The following ERC2 variants were observed in gnomAD, a reference collection of about 807,000 sequenced individuals.
ERC2 encodes the protein ELKS/RAB6-interacting/CAST family member 2.
Under a neutral mutation model 114.8 loss-of-function variants are expected in ERC2, and 42 were observed. The observed-to-expected ratio is 0.37, with a 90% confidence interval of 0.29 to 0.47. The LOEUF is 0.47. Ranked by LOEUF, ERC2 falls within the 20% of genes least tolerant of loss-of-function variation. The probability of loss-of-function intolerance (pLI) is 0.99; values close to 1 mark genes in which losing one functional copy is unlikely to be tolerated. For synonymous variants in ERC2, 454 were observed against 425.5 expected (o/e 1.07, Z -0.82); for missense variants, 939 against 1,150.7 (o/e 0.82, Z 2.66).
At chr3:55,866,392 T>C (rs1250934160) in intron 14 of ERC2, among the ~76,000 whole-genome samples, 1 of 152,164 alleles carries the variant, frequency 6.6e-6, no homozygotes, top group Admixed American at 6.6e-5. Context: ...AAATATGACT[T>C]GCAAATATTT....
At position 55,558,275 on chromosome 3, in the gene ERC2, C is replaced by T. The variant is rs546730447; in HGVS notation, c.*40-46999G>A. 2.6e-4 allele frequency among the ~76,000 whole-genome samples: 40 copies of T among 152,286 alleles called. No individual in the cohort carries two copies. The South Asian group carries it at 8.3e-3, about 32-fold the overall frequency. ...TTGCCCACCTCTAGCACTTAGTATC[C>T]TGCCTGGCACGTAATAGATGGCTTA... On this transcript the variant is annotated intron_variant, in intron 17 of 17. Coordinates refer to ENST00000288221, the MANE Select transcript of ERC2 (RefSeq NM_015576.3).
At chr3:55,610,077 A>T (rs1360605356) in intron 17 of ERC2, among the ~76,000 whole-genome samples, 2 of 151,762 alleles carry the variant, frequency 1.3e-5, no homozygotes, top group Non-Finnish European at 2.9e-5. Flanking sequence ...AAAAAAAAAA[A>T]AAAAAAACAA....
At chr3:55,680,282 T>G (rs2061995253) in intron 17 of ERC2, among the ~76,000 whole-genome samples, 1 of 152,190 alleles carries the variant, frequency 6.6e-6, no homozygotes, top group Non-Finnish European at 1.5e-5. Context: ...AAATAAAAAC[T>G]TGTGTTCTAT....
At chr3:56,183,987 CA>C (rs1169431932) in intron 3 of ERC2, among the ~76,000 whole-genome samples, 2 of 152,012 alleles carry the variant, frequency 1.3e-5, no homozygotes, top group African/African-American at 4.8e-5. Flanking sequence ...TAGATAAATA[CA>C]GTAGGAAGTT....
chr3:56,161,895 C>T (rs1004667059), intron 4 of ERC2, among the ~76,000 whole-genome samples: 7 of 152,086 alleles, frequency 4.6e-5, no homozygotes, highest in African/African-American at 1.7e-4. Flanking sequence ...TGCCTAATTG[C>T]TCTGGCTAGC....
chr3:55,883,539 T>TAC (rs34468467), intron 14 of ERC2, among the ~76,000 whole-genome samples: 7,668 of 143,808 alleles, frequency 0.053, 345 homozygotes, highest in African/African-American at 0.13. Context: ...TAATTAAACA[T>TAC]ACACACACAC....
intron 2 of ERC2, among the ~76,000 whole-genome samples, chr3:56,327,984 A>T (rs1253675527): frequency 6.6e-6 from 1 of 152,218 alleles, no homozygotes; most frequent in East Asian, 1.9e-4. Flanking sequence ...AGCTGTGACC[A>T]TACAAAGTGA....
At chr3:56,047,441 A>G (rs1273761673) in intron 7 of ERC2, among the ~76,000 whole-genome samples, 1 of 152,258 alleles carries the variant, frequency 6.6e-6, no homozygotes, top group African/African-American at 2.4e-5. Context: ...GCTATAAGGC[A>G]TCAAGGAGTC....
intron 14 of ERC2, among the ~76,000 whole-genome samples, chr3:55,747,522 C>G (rs892508155): frequency 1.3e-5 from 2 of 152,166 alleles, no homozygotes; most frequent in Admixed American, 6.5e-5. Flanking sequence ...ATACTTTATT[C>G]CACGCCGTAA....
At chr3:55,749,774 T>C (rs991628820) in intron 14 of ERC2, among the ~76,000 whole-genome samples, 1 of 152,174 alleles carries the variant, frequency 6.6e-6, no homozygotes, top group Non-Finnish European at 1.5e-5. Context: ...CCTTCCACGC[T>C]GTGGAAGCTT....
intron 14 of ERC2, among the ~76,000 whole-genome samples, chr3:55,758,109 G>C (rs2067176990): frequency 6.6e-6 from 1 of 152,094 alleles, no homozygotes; most frequent in Non-Finnish European, 1.5e-5. Context: ...TTTGTGAATT[G>C]TGCCAGGTGA....
intron 17 of ERC2, among the ~76,000 whole-genome samples, chr3:55,514,392 C>T (rs2052339599): frequency 6.6e-6 from 1 of 151,860 alleles, no homozygotes; most frequent in South Asian, 2.1e-4. Flanking sequence ...TGGGATTGTG[C>T]CACTCCAGCC....
intron 2 of ERC2, among the ~76,000 whole-genome samples, chr3:56,361,206 C>G (rs1046425871): frequency 1.3e-5 from 2 of 152,140 alleles, no homozygotes; most frequent in South Asian, 2.1e-4. Flanking sequence ...GCTGCTGCAC[C>G]AGGACGGATT....
chr3:56,303,793 C>G (rs901139460), intron 2 of ERC2, among the ~76,000 whole-genome samples: 4 of 152,158 alleles, frequency 2.6e-5, no homozygotes, highest in African/African-American at 7.2e-5. Context: ...GTCCTAAGTG[C>G]CCCCTGGCGC....
chr3:55,726,790 T>A (rs752166232), intron 15 of ERC2, among the ~76,000 whole-genome samples: 28 of 152,206 alleles, frequency 1.8e-4, no homozygotes, highest in Non-Finnish European at 3.7e-4. Flanking sequence ...ACCAGGGGAC[T>A]AGTCTCCTGG....
intron 6 of ERC2, among the ~76,000 whole-genome samples, chr3:56,105,334 T>A (rs920511274): frequency 6.6e-6 from 1 of 152,032 alleles, no homozygotes; most frequent in African/African-American, 2.4e-5. Context: ...AGACAGGATC[T>A]TGCTCTGTTG....
At chr3:55,958,194 G>A (rs1301564642) in intron 12 of ERC2, among the ~76,000 whole-genome samples, 1 of 152,158 alleles carries the variant, frequency 6.6e-6, no homozygotes. Context: ...GCTCTCAGCA[G>A]GTAGCTCCTG....
chr3:55,796,673 C>A (rs1168173327), intron 14 of ERC2, among the ~76,000 whole-genome samples: 5 of 152,178 alleles, frequency 3.3e-5, no homozygotes, highest in African/African-American at 1.2e-4. Flanking sequence ...GATCTTCCTG[C>A]CTCGGCCTCC....
intron 7 of ERC2, among the ~76,000 whole-genome samples, chr3:56,025,664 G>C (rs1324188630): frequency 6.6e-6 from 1 of 152,156 alleles, no homozygotes. Context: ...CTGCGCTCAT[G>C]TGATTAGGTA....
Sources: gnomAD v4.1 joint callset for allele counts (sites outside exome capture counted in the v4.1 genomes callset) on GRCh38, gnomAD v4.1.1 for gene constraint, MANE v1.5 for transcripts, NCBI Gene and HGNC (gene_info 2026-07-23, HGNC 2026-07-21) for gene names.